Variants in PEAK1 observed in about 807,000 individuals in gnomAD.
The protein encoded by PEAK1 is pseudopodium enriched atypical kinase 1, also known as inactive tyrosine-protein kinase PEAK1.
Under a neutral mutation model 124.7 loss-of-function variants are expected in PEAK1, and 54 were observed. The ratio of observed to expected loss-of-function variants is 0.43; its 90% confidence interval spans 0.35 to 0.54. The LOEUF (loss-of-function observed/expected upper bound fraction) is 0.54, where lower values mean the gene tolerates loss of function less well. Among genes scored for constraint, PEAK1 ranks in the 20% least tolerant of loss-of-function variants. The pLI is 0.01. For synonymous variants in PEAK1, 719 were observed against 760.0 expected, an observed-to-expected ratio of 0.95 and a Z score of 0.89; for missense variants, 2,046 against 2,134.5, an observed-to-expected ratio of 0.96 and a Z score of 0.82.
chr15:77,145,132 C>T (rs917044566), intron 8 of PEAK1, among the ~76,000 whole-genome samples: 2 of 152,204 alleles, frequency 1.3e-5, no homozygotes, highest in Admixed American at 1.3e-4. Flanking sequence ...CCATAATCTA[C>T]CTCTTTACTT....
At chr15:77,388,109 G>A (rs893970596) in intron 1 of PEAK1, among the ~76,000 whole-genome samples, 2 of 152,078 alleles carry the variant, frequency 1.3e-5, no homozygotes, top group African/African-American at 4.8e-5. Flanking sequence ...CAGGAGGATC[G>A]CTTGAGCCCA....
At chr15:77,207,282 T>C (rs1450960074) in intron 6 of PEAK1, among the ~76,000 whole-genome samples, 2 of 152,184 alleles carry the variant, frequency 1.3e-5, no homozygotes, top group Non-Finnish European at 2.9e-5. Context: ...CTGCAACACA[T>C]AAGCTTTTTA....
chr15:77,301,236 T>C (rs2152991274), intron 2 of PEAK1, among the ~76,000 whole-genome samples: 1 of 152,288 alleles, frequency 6.6e-6, no homozygotes, highest in East Asian at 1.9e-4. Flanking sequence ...GGGATCCCTT[T>C]GCTTGTGGCT....
At chr15:77,263,905 T>G (rs937403852) in intron 5 of PEAK1, among the ~76,000 whole-genome samples, 1 of 152,088 alleles carries the variant, frequency 6.6e-6, no homozygotes. Context: ...AAAGCTTATC[T>G]ACCATGATCA....
chr15:77,224,961 C>T (rs941887724), intron 6 of PEAK1, among the ~76,000 whole-genome samples: 1 of 151,872 alleles, frequency 6.6e-6, no homozygotes, highest in Non-Finnish European at 1.5e-5. Context: ...GCCTCTAGGT[C>T]CTCCCACTCC....
At chr15:77,381,841 G>A (rs978848938) in intron 1 of PEAK1, among the ~76,000 whole-genome samples, 1 of 152,116 alleles carries the variant, frequency 6.6e-6, no homozygotes, top group Non-Finnish European at 1.5e-5. Context: ...AAGGGATAGG[G>A]CAAAAACAAG....
intron 6 of PEAK1, among the ~76,000 whole-genome samples, chr15:77,226,044 G>GATATATATATATAT (rs1157824212): frequency 3.1e-4 from 14 of 44,972 alleles, no homozygotes; most frequent in East Asian, 6.5e-4. Flanking sequence ...AAAATAAAGG[G>GATATATATATATAT]ATATATATAT....
At chr15:77,238,177 A>C (rs1166380547) in intron 6 of PEAK1, among the ~76,000 whole-genome samples, 2 of 152,150 alleles carry the variant, frequency 1.3e-5, no homozygotes, top group African/African-American at 4.8e-5. Context: ...TGTCTAAAAA[A>C]TGTCAGTTTT....
In PEAK1 at chr15:77,276,336, A is replaced by G. The variant is rs569258094; in HGVS notation, c.-275+7547T>C. Among the ~76,000 whole-genome samples the G allele has an allele frequency of 6.6e-5, 10 of 152,334 alleles. No homozygotes were observed. In the South Asian group the frequency reaches 2.1e-3, roughly 32 times the overall value. On this transcript the variant is annotated intron_variant, in intron 5 of 9. Coordinates refer to ENST00000682557, the MANE Select transcript of PEAK1 (RefSeq NM_001385026.1). ...CTGAAGACACAGAAAAAATCTTGAAAGCAGCAACAGAAAAACAACATTTTC... is the reference window on the plus strand; with the variant it reads ...CTGAAGACACAGAAAAAATCTTGAAGGCAGCAACAGAAAAACAACATTTTC...
intron 1 of PEAK1, chr15:77,403,865 A>G (rs2071580089): frequency 1.0e-6 from 1 of 984,690 alleles, no homozygotes; most frequent in South Asian, 4.7e-5. Flanking sequence ...TATTTATTAC[A>G]ATGCCACAAA....
intron 5 of PEAK1, among the ~76,000 whole-genome samples, chr15:77,276,298 A>G (rs1174781821): frequency 6.6e-6 from 1 of 152,216 alleles, no homozygotes; most frequent in East Asian, 1.9e-4. Context: ...CATCAAAGTC[A>G]AACTTCTGAA....
At chr15:77,225,943 G>C (rs1419735933) in intron 6 of PEAK1, among the ~76,000 whole-genome samples, 1 of 144,934 alleles carries the variant, frequency 6.9e-6, no homozygotes, top group African/African-American at 2.5e-5. Flanking sequence ...AAATGTTTAT[G>C]CTGAGCATTA....
At chr15:77,385,718 T>C (rs920688027) in intron 1 of PEAK1, among the ~76,000 whole-genome samples, 2 of 152,222 alleles carry the variant, frequency 1.3e-5, no homozygotes, top group Non-Finnish European at 2.9e-5. Flanking sequence ...CCCTGAAGTC[T>C]GAAAGGCACA....
chr15:77,226,505 T>C (rs1325827408), intron 6 of PEAK1, among the ~76,000 whole-genome samples: 2 of 152,138 alleles, frequency 1.3e-5, no homozygotes, highest in East Asian at 3.9e-4. Flanking sequence ...CAGAAATAAT[T>C]AGCCACTCCA....
intron 5 of PEAK1, among the ~76,000 whole-genome samples, chr15:77,277,839 C>G (rs989969088): frequency 6.6e-6 from 1 of 151,982 alleles, no homozygotes; most frequent in African/African-American, 2.4e-5. Flanking sequence ...CAGTGGGTTG[C>G]CAGGGGCTGG....
chr15:77,236,511 G>C (rs1398457520), intron 6 of PEAK1, among the ~76,000 whole-genome samples: 1 of 152,158 alleles, frequency 6.6e-6, no homozygotes, highest in Non-Finnish European at 1.5e-5. Flanking sequence ...ATTGTAACTT[G>C]GAAGGAACTA....
intron 1 of PEAK1, among the ~76,000 whole-genome samples, chr15:77,397,583 T>C (rs534009144): frequency 6.6e-6 from 1 of 151,162 alleles, no homozygotes; most frequent in Non-Finnish European, 1.5e-5. Context: ...ATAAATAAAA[T>C]AAAAGATGAA....
intron 6 of PEAK1, among the ~76,000 whole-genome samples, chr15:77,208,071 C>T (rs1449832684): frequency 6.6e-6 from 1 of 152,148 alleles, no homozygotes; most frequent in South Asian, 2.1e-4. Context: ...CAACATTAAG[C>T]AAACTGTGCT....
chr15:77,184,788 T>A (rs1294638688), intron 6 of PEAK1, among the ~76,000 whole-genome samples: 1 of 152,278 alleles, frequency 6.6e-6, no homozygotes, highest in East Asian at 1.9e-4. Flanking sequence ...TCTTAGCTAC[T>A]CAGGAGGCTG....
Sources: gnomAD v4.1 joint callset for allele counts (sites outside exome capture counted in the v4.1 genomes callset) on GRCh38, gnomAD v4.1.1 for gene constraint, MANE v1.5 for transcripts, NCBI Gene and HGNC (gene_info 2026-07-23, HGNC 2026-07-21) for gene names.